The following BLTP1 variants were observed in gnomAD, a reference collection of about 807,000 sequenced individuals.
BLTP1 encodes the protein bridge-like lipid transfer protein family member 1, also known as fragile site-associated protein.
the BLTP1 span, chr4:122,291,006 C>CCT: frequency 6.7e-6 from 5 of 742,682 alleles, no homozygotes; most frequent in African/African-American, 9.5e-5. Flanking sequence ...TCAGGGTAAG[C>CCT]CTCTCTTAAG....
the BLTP1 span, chr4:122,171,648 T>G: frequency 1.1e-4 from 19 of 177,568 alleles, no homozygotes; most frequent in Non-Finnish European, 1.9e-4. Flanking sequence ...CAGGTTTTTT[T>G]TTTTTTTTTT....
At chr4:122,247,197 T>C in the BLTP1 span, 22 of 1,613,356 alleles carry the variant, frequency 1.4e-5, no homozygotes, top group Non-Finnish European at 1.9e-5. Flanking sequence ...CAGAACCTGG[T>C]AGAACATCAA....
the BLTP1 span, chr4:122,231,664 T>A: frequency 1.7e-5 from 16 of 962,502 alleles, no homozygotes; most frequent in Non-Finnish European, 2.0e-5. Flanking sequence ...ATCTGTATTA[T>A]TTTTTTCTTT....
chr4:122,325,558 T>G, the BLTP1 span: 1 of 1,194,142 alleles, frequency 8.4e-7, no homozygotes. Flanking sequence ...GCTCCATAAC[T>G]GCTTTCTCTT....
chr4:122,195,506 T>G, the BLTP1 span: 1 of 152,148 alleles, frequency 6.6e-6, no homozygotes, highest in South Asian at 2.1e-4. Flanking sequence ...CTCAGTGAGA[T>G]TCATAGGACA....
chr4:122,185,384 C>T, the BLTP1 span: 1 of 985,098 alleles, frequency 1.0e-6, no homozygotes, highest in African/African-American at 1.7e-5. Flanking sequence ...ATTGTGGTAC[C>T]TTTCTTCTGT....
At chr4:122,349,617 T>C in the BLTP1 span, 13 of 1,606,408 alleles carry the variant, frequency 8.1e-6, no homozygotes, top group African/African-American at 6.7e-5. This position sits in a 1 kb window ranked among gnomAD's most constrained non-coding sequence, Gnocchi z 4.5. Flanking sequence ...GTATAATACA[T>C]TGGATTCAAG....
At chr4:122,325,929 G>C in the BLTP1 span, 184 of 888,416 alleles carry the variant, frequency 2.1e-4, no homozygotes, top group Non-Finnish European at 2.8e-4. Context: ...TACTTACTAA[G>C]AACAATATAA....
At chr4:122,322,128 TTC>T in the BLTP1 span, among the ~76,000 whole-genome samples, 1 of 151,408 alleles carries the variant, frequency 6.6e-6, no homozygotes, top group Non-Finnish European at 1.5e-5. Flanking sequence ...TTCTATTCCT[TTC>T]TCTTTCTCTT....
At chr4:122,220,904 G>A in the BLTP1 span, 1 of 162,078 alleles carries the variant, frequency 6.2e-6, no homozygotes, top group Non-Finnish European at 1.3e-5. Context: ...AAGATACTTT[G>A]TTAATTCCTT....
chr4:122,331,685 T>C, the BLTP1 span: 8 of 1,410,604 alleles, frequency 5.7e-6, no homozygotes, highest in Non-Finnish European at 7.4e-6. Context: ...GTCAAGTGTA[T>C]ATTTCTTATA....
the BLTP1 span, chr4:122,279,730 T>C: frequency 6.4e-7 from 1 of 1,563,922 alleles, no homozygotes; most frequent in East Asian, 2.3e-5. Context: ...TTCTCTTTAC[T>C]TGGCTGTTGG....
the BLTP1 span, among the ~76,000 whole-genome samples, chr4:122,294,035 C>G: frequency 3.8e-3 from 581 of 152,330 alleles, 3 homozygotes; most frequent in Middle Eastern, 0.014. Flanking sequence ...CCGGTCCATC[C>G]CTCCTCACTG....
At chr4:122,207,949 T>C in the BLTP1 span, 3 of 983,116 alleles carry the variant, frequency 3.1e-6, no homozygotes, top group African/African-American at 5.2e-5. Context: ...ATGAACTAAT[T>C]TTATACTTCC....
chr4:122,340,858 A>G, the BLTP1 span: 16 of 910,438 alleles, frequency 1.8e-5, no homozygotes, highest in Non-Finnish European at 2.1e-5. Flanking sequence ...AGGTGAAATG[A>G]AAATGAGAAT....
chr4:122,215,311 T>G, the BLTP1 span: 1 of 920,874 alleles, frequency 1.1e-6, no homozygotes, highest in Non-Finnish European at 1.3e-6. Context: ...TCTACAGGAA[T>G]CTAAATTTTT....
At chr4:122,194,009 C>T in the BLTP1 span, among the ~76,000 whole-genome samples, 2 of 151,836 alleles carry the variant, frequency 1.3e-5, no homozygotes, top group Non-Finnish European at 2.9e-5. Context: ...ACTACAGGCG[C>T]CCGCCACTAC....
chr4:122,216,277 G>C, the BLTP1 span, among the ~76,000 whole-genome samples: 1 of 152,034 alleles, frequency 6.6e-6, no homozygotes, highest in Non-Finnish European at 1.5e-5. Flanking sequence ...TTTCTTTTGG[G>C]TAAATACCCA....
At chr4:122,298,662 T>A in the BLTP1 span, 2 of 7,478 alleles carry the variant, frequency 2.7e-4, no homozygotes, top group African/African-American at 5.0e-4. Flanking sequence ...GAACATTAGG[T>A]ATTTAAACAT....
Sources: gnomAD v4.1 joint callset for allele counts (sites outside exome capture counted in the v4.1 genomes callset) on GRCh38, gnomAD v4.1.1 for gene constraint, Gnocchi (gnomAD v3.1) non-coding constraint, MANE v1.5 for transcripts, NCBI Gene and HGNC (gene_info 2026-07-23, HGNC 2026-07-21) for gene names.